GPRIN3: variants seen among roughly 807,000 people sequenced by gnomAD.
GPRIN3 encodes the protein GPRIN family member 3, also known as G protein-regulated inducer of neurite outgrowth 3.
GPRIN3 carries 12 observed loss-of-function variants against 13.7 expected under a neutral mutation model. The observed-to-expected ratio is 0.87, with a 90% confidence interval of 0.56 to 1.42. GPRIN3 has a LOEUF of 1.42. GPRIN3 is among the 40% of genes most tolerant of loss of function. GPRIN3 has a pLI of 0.00. For missense variants in GPRIN3, 1,009 were observed against 958.7 expected, an observed-to-expected ratio of 1.05 and a Z score of -0.69; for synonymous variants, 377 against 372.7, an observed-to-expected ratio of 1.01 and a Z score of -0.13.
chr4:89,271,408 A>G (rs4425339), intron 1 of GPRIN3, among the ~76,000 whole-genome samples: 46,534 of 151,758 alleles, frequency 0.31, 8,206 homozygotes, highest in African/African-American at 0.48. Flanking sequence ...CCCCCACTTC[A>G]GACACCAAAA....
chr4:89,272,461 T>A (rs1003659167), intron 1 of GPRIN3, among the ~76,000 whole-genome samples: 1 of 152,230 alleles, frequency 6.6e-6, no homozygotes, highest in African/African-American at 2.4e-5. Context: ...ACTGCACTTA[T>A]CAGTTTAGAA....
At chr4:89,252,993 G>C (rs113328336) in intron 1 of GPRIN3, among the ~76,000 whole-genome samples, 126 of 135,836 alleles carry the variant, frequency 9.3e-4, no homozygotes, top group Admixed American at 2.2e-3. Flanking sequence ...TTCAAGTTAT[G>C]AAGTCTCTCT....
chr4:89,299,402 G>A (rs1724832278), intron 1 of GPRIN3, among the ~76,000 whole-genome samples: 2 of 152,174 alleles, frequency 1.3e-5, no homozygotes, highest in African/African-American at 4.8e-5. Flanking sequence ...TGTGCATGAG[G>A]AAGGAAAGTG....
chr4:89,255,626 G>C (rs572696448), intron 1 of GPRIN3, among the ~76,000 whole-genome samples: 1 of 152,158 alleles, frequency 6.6e-6, no homozygotes, highest in Non-Finnish European at 1.5e-5. Context: ...GACATCAAGC[G>C]AAGGGGGATT....
chr4:89,295,908 T>C (rs1388437567), intron 1 of GPRIN3, among the ~76,000 whole-genome samples: 1 of 152,204 alleles, frequency 6.6e-6, no homozygotes, highest in Non-Finnish European at 1.5e-5. Flanking sequence ...ACATTAGCCT[T>C]GCCCTAAAAA....
chr4:89,248,773 C>T lies in GPRIN3; in HGVS notation c.1338G>A (p.Val446=), dbSNP rs374792707. ...GCTTTTTAGCAGTTGACTCTTCCCT[C>T]ACTGGAGTCATTCCTGCTAACCTCC... ...EDGRLAGMTP[V]REESTAKKLA... The change falls in exon 2 of 2, where the codon GTG becomes GTA. Residue 446 remains valine, a synonymous_variant. Transcript: ENST00000609438. The T allele has an allele frequency of 3.6e-5, 58 of 1,614,184 alleles. No individual in the cohort carries two copies. The African/African-American group carries it at 4.9e-4, about 14-fold the overall frequency.
intron 1 of GPRIN3, among the ~76,000 whole-genome samples, chr4:89,300,041 T>C (rs1724851945): frequency 6.6e-6 from 1 of 152,136 alleles, no homozygotes. Flanking sequence ...CGTTATTCTT[T>C]AACAGACTAC....
At chr4:89,290,640 T>C (rs977012879) in intron 1 of GPRIN3, among the ~76,000 whole-genome samples, 6 of 152,196 alleles carry the variant, frequency 3.9e-5, no homozygotes, top group Admixed American at 3.3e-4. Context: ...GGATTTACCA[T>C]AATCTGATTT....
At chr4:89,281,379 C>T (rs1165845101) in intron 1 of GPRIN3, among the ~76,000 whole-genome samples, 1 of 152,120 alleles carries the variant, frequency 6.6e-6, no homozygotes, top group Non-Finnish European at 1.5e-5. Context: ...ACCTCGGCTC[C>T]CCAAAGTGCT....
chr4:89,268,320 T>C (rs1467476985), intron 1 of GPRIN3, among the ~76,000 whole-genome samples: 1 of 152,150 alleles, frequency 6.6e-6, no homozygotes, highest in Non-Finnish European at 1.5e-5. Flanking sequence ...AGAAGTGGCA[T>C]TGGCAGCATT....
intron 1 of GPRIN3, among the ~76,000 whole-genome samples, chr4:89,281,443 C>T (rs981540913): frequency 3.3e-5 from 5 of 152,140 alleles, no homozygotes; most frequent in Non-Finnish European, 5.9e-5. Context: ...TTAAACAGAT[C>T]TCACTTCTCA....
At chr4:89,282,468 C>A (rs1351721586) in intron 1 of GPRIN3, among the ~76,000 whole-genome samples, 1 of 152,116 alleles carries the variant, frequency 6.6e-6, no homozygotes, top group South Asian at 2.1e-4. Flanking sequence ...GATTTATAAG[C>A]CTCATTAGGA....
chr4:89,290,131 C>T (rs1487338741), intron 1 of GPRIN3, among the ~76,000 whole-genome samples: 6 of 151,430 alleles, frequency 4.0e-5, no homozygotes, highest in African/African-American at 7.3e-5. Context: ...TCACCATGCC[C>T]GGCTAATTTC....
chr4:89,298,326 G>C (rs1434995848), intron 1 of GPRIN3, among the ~76,000 whole-genome samples: 1 of 152,134 alleles, frequency 6.6e-6, no homozygotes. Context: ...AAGACATACA[G>C]TTTTCAAGTT....
rs530851592 is a variant in GPRIN3 at position 89,293,749 on chromosome 4, G to A, written c.-124+13866C>T. Among the ~76,000 whole-genome samples the A allele has an allele frequency of 2.6e-5, 4 of 152,220 alleles. No individual in the cohort carries two copies. In the South Asian group the frequency reaches 8.3e-4, roughly 32 times the overall value. On this transcript the variant is annotated intron_variant, in intron 1 of 1. Transcript: ENST00000609438. ...GCTCTGCTAACCTATGATGACTTTAGCTCCATACCAGATGTGACGTGAAAG... is the reference window on the plus strand; with the variant it reads ...GCTCTGCTAACCTATGATGACTTTAACTCCATACCAGATGTGACGTGAAAG...
rs7672015 is a variant in GPRIN3, at chr4:89,247,674, T to C, written c.*106A>G. The C allele has an allele frequency of 0.43, 500,433 of 1,159,532 alleles. 110,263 individuals carry two copies. Among genetic ancestry groups the C allele is most frequent in the African/African-American group, 0.57 (37,125 of 64,728 alleles). The allele number at this position is 1,159,532 out of a possible 1,614,324, so 71.8% of individuals were successfully genotyped here. On this transcript the variant is annotated 3_prime_UTR_variant, in exon 2 of 2. Transcript: ENST00000609438. ...ATAGCAATTTCCTATAGTGAATACTTGCTTTTTCTTCCTAGTCTTGCAGCA... is the reference window on the plus strand; with the variant it reads ...ATAGCAATTTCCTATAGTGAATACTCGCTTTTTCTTCCTAGTCTTGCAGCA...
At chr4:89,280,056 C>G (rs1024036380) in intron 1 of GPRIN3, among the ~76,000 whole-genome samples, 1 of 152,168 alleles carries the variant, frequency 6.6e-6, no homozygotes, top group South Asian at 2.1e-4. Context: ...TGAATGCCAT[C>G]TTCATCTTCT....
intron 1 of GPRIN3, among the ~76,000 whole-genome samples, chr4:89,294,773 G>A (rs1486865578): frequency 3.3e-5 from 5 of 152,140 alleles, no homozygotes; most frequent in African/African-American, 9.7e-5. Flanking sequence ...CACCACTATA[G>A]CAAAATCTTA....
At chr4:89,279,429 GTCTTTCC>G (rs1392481407) in intron 1 of GPRIN3, among the ~76,000 whole-genome samples, 5 of 152,146 alleles carry the variant, frequency 3.3e-5, no homozygotes, top group Admixed American at 1.3e-4. Context: ...TCAGGGAAAA[GTCTTTCC>G]TGGCCCATGT....
Sources: gnomAD v4.1 joint callset for allele counts (sites outside exome capture counted in the v4.1 genomes callset) on GRCh38, gnomAD v4.1.1 for gene constraint, MANE v1.5 for transcripts, NCBI Gene and HGNC (gene_info 2026-07-23, HGNC 2026-07-21) for gene names.